CHN2: variants seen among roughly 807,000 people sequenced by gnomAD.
The protein encoded by CHN2 is chimerin 2, also known as beta-chimaerin.
Under a neutral mutation model 56.3 loss-of-function variants are expected in CHN2, and 35 were observed. That is an observed-to-expected ratio of 0.62 (90% CI 0.47 to 0.82). The LOEUF (loss-of-function observed/expected upper bound fraction) is 0.82. Ranked by LOEUF, CHN2 falls within the 40% of genes least tolerant of loss-of-function variation. The probability of loss-of-function intolerance (pLI) is 0.00; values close to 1 mark genes in which losing one functional copy is unlikely to be tolerated. For missense variants in CHN2, 491 were observed against 580.5 expected (o/e 0.85, Z 1.58); for synonymous variants, 210 against 212.8 (o/e 0.99, Z 0.12).
intron 2 of CHN2, among the ~76,000 whole-genome samples, chr7:29,184,803 G>A (rs1462258743): frequency 6.6e-6 from 1 of 152,158 alleles, no homozygotes; most frequent in African/African-American, 2.4e-5. Context: ...TCAAGTTGAC[G>A]CATAAAATTA....
In CHN2 at chr7:29,345,437, A is replaced by C. The variant is rs530869616; in HGVS notation, c.50-9188A>C. On this transcript the variant is annotated intron_variant, in intron 1 of 12. Transcript: ENST00000222792. Reference sequence around the variant, plus strand: ...TGGTGGGTCCAGGAAGATGTCTCTGAGGAGCCAGAGCATTTACGCTGAGAT... The same window carrying C: ...TGGTGGGTCCAGGAAGATGTCTCTGCGGAGCCAGAGCATTTACGCTGAGAT... 1.1e-4 allele frequency among the ~76,000 whole-genome samples: 16 copies of C among 152,292 alleles called. No homozygotes were observed. In the South Asian group the frequency reaches 3.3e-3, roughly 32 times the overall value.
At chr7:29,502,752 TA>T (rs139696468) in intron 9 of CHN2, among the ~76,000 whole-genome samples, 14,437 of 151,044 alleles carry the variant, frequency 0.096, 1,975 homozygotes, top group African/African-American at 0.31. Flanking sequence ...TTTTTTTTTT[TA>T]AAAGTGACGG....
At position 29,254,034 on chromosome 7, in the gene CHN2, A is replaced by G. The variant is rs536322360; in HGVS notation, c.49+59044A>G. Among the ~76,000 whole-genome samples, 169 of 152,218 alleles carry G rather than the reference A, an allele frequency of 1.1e-3. 1 individual carries two copies. The highest frequency in any genetic ancestry group is 0.011 in the South Asian group (52 of 4,826). ...ATTCTCCTGCCTCAGCCTCCTGAGT[A>G]GTTGAGATTACAGGCCTGCGCCACT... On this transcript the variant is annotated intron_variant, in intron 1 of 12. Transcript: ENST00000222792.
intron 1 of CHN2, among the ~76,000 whole-genome samples, chr7:29,252,594 T>TTGTTTTG (rs1562866606): frequency 1.0e-4 from 5 of 48,070 alleles, no homozygotes; most frequent in Middle Eastern, 8.5e-3. Context: ...TTTTTTTTTT[T>TTGTTTTG]TTTTTTTTTT....
intron 2 of CHN2, among the ~76,000 whole-genome samples, chr7:29,148,816 A>C (rs893290783): frequency 1.3e-5 from 2 of 152,206 alleles, no homozygotes; most frequent in African/African-American, 4.8e-5. Context: ...TGATCCCATC[A>C]TACAATATAA....
At chr7:29,445,889 A>G (rs1362731908) in intron 6 of CHN2, among the ~76,000 whole-genome samples, 3 of 152,116 alleles carry the variant, frequency 2.0e-5, no homozygotes, top group East Asian at 3.9e-4. Context: ...TAGGTCTCCA[A>G]TTACGGAATT....
chr7:29,251,585 G>A (rs952835086), intron 1 of CHN2, among the ~76,000 whole-genome samples: 28 of 152,204 alleles, frequency 1.8e-4, no homozygotes, highest in African/African-American at 5.3e-4. Context: ...GAATAAATGC[G>A]AGGCAGTGTT....
rs1208557988 is a variant in CHN2, at chr7:29,512,654, C to T, written c.1326C>T (p.Ser442=). 1.2e-6 allele frequency: 2 copies of T among 1,614,052 alleles called. No individual in the cohort carries two copies. Among genetic ancestry groups the T allele is most frequent in the Non-Finnish European group, 1.7e-6 (2 of 1,180,012 alleles). Residue 442 remains serine (S), a synonymous_variant, in exon 13 of 13, where the codon AGC becomes AGT. Transcript: ENST00000222792. Reference sequence around the variant, plus strand: ...CTCTGATGAGGCCCCCTGAGGACAGCACCCTGACCACCCTGCATGATATGC... The same window carrying T: ...CTCTGATGAGGCCCCCTGAGGACAGTACCCTGACCACCCTGCATGATATGC... ...GPTLMRPPED[S]TLTTLHDMRY...
chr7:29,187,522 G>C (rs35555978), intron 2 of CHN2, among the ~76,000 whole-genome samples: 16,286 of 152,052 alleles, frequency 0.11, 991 homozygotes, highest in African/African-American at 0.14. Flanking sequence ...TCAGGAGTTT[G>C]AGACCAGCCT....
At chr7:29,227,057 C>T (rs1280876402) in intron 1 of CHN2, among the ~76,000 whole-genome samples, 1 of 152,196 alleles carries the variant, frequency 6.6e-6, no homozygotes, top group Non-Finnish European at 1.5e-5. Flanking sequence ...GGACATGATG[C>T]TGTCATTTTG....
chr7:29,158,289 T>C lies in CHN2; in HGVS notation c.274+11329T>C, dbSNP rs117626229. ...AGTTTATAGCACACACATATTTTCTTAGGACCTCAGTTTCCACCATCCTAT... is the reference window on the plus strand; with the variant it reads ...AGTTTATAGCACACACATATTTTCTCAGGACCTCAGTTTCCACCATCCTAT... On this transcript the variant is annotated intron_variant, in intron 2 of 6. Transcript: ENST00000439384. 1.2e-3 allele frequency among the ~76,000 whole-genome samples: 179 copies of C among 152,336 alleles called. 3 individuals carry two copies. The East Asian group carries it at 0.025, about 21-fold the overall frequency.
At chr7:29,158,899 G>C (rs986021430) in intron 2 of CHN2, among the ~76,000 whole-genome samples, 1 of 152,128 alleles carries the variant, frequency 6.6e-6, no homozygotes, top group East Asian at 1.9e-4. Context: ...CTTTCATTTT[G>C]TTCTGATAGT....
intron 11 of CHN2, among the ~76,000 whole-genome samples, chr7:29,508,812 C>T (rs1790929083): frequency 6.6e-6 from 1 of 152,200 alleles, no homozygotes; most frequent in Non-Finnish European, 1.5e-5. Context: ...GCCATGAGTG[C>T]AGGCTGAGTT....
chr7:29,383,330 G>T (rs1800670098), intron 3 of CHN2, among the ~76,000 whole-genome samples: 1 of 152,120 alleles, frequency 6.6e-6, no homozygotes, highest in Non-Finnish European at 1.5e-5. Context: ...GGGTCTGAAG[G>T]TCTAAGAACC....
intron 3 of CHN2, among the ~76,000 whole-genome samples, chr7:29,383,460 A>G (rs552397805): frequency 1.3e-5 from 2 of 152,276 alleles, no homozygotes; most frequent in South Asian, 4.2e-4. Flanking sequence ...ACAGGATAGT[A>G]CTGACACACA....
At chr7:29,253,414 T>C (rs894152365) in intron 1 of CHN2, among the ~76,000 whole-genome samples, 6 of 152,218 alleles carry the variant, frequency 3.9e-5, no homozygotes, top group Non-Finnish European at 7.3e-5. Flanking sequence ...TGAATTCTTA[T>C]TGGACAGAAC....
intron 1 of CHN2, among the ~76,000 whole-genome samples, chr7:29,285,267 G>A (rs1284523738): frequency 6.6e-6 from 1 of 152,204 alleles, no homozygotes; most frequent in Non-Finnish European, 1.5e-5. Flanking sequence ...AGTCATAGGT[G>A]ATACACAGAG....
intron 6 of CHN2, chr7:29,479,786 A>G (rs1585543909): frequency 8.3e-7 from 1 of 1,209,878 alleles, no homozygotes; most frequent in Non-Finnish European, 1.0e-6. Context: ...AGGAGAAAGC[A>G]GGCTGCCGGC....
At chr7:29,158,856 C>A (rs139643671) in intron 2 of CHN2, among the ~76,000 whole-genome samples, 1 of 152,306 alleles carries the variant, frequency 6.6e-6, no homozygotes, top group African/African-American at 2.4e-5. Context: ...CATTCCAACA[C>A]ATTTCAGCTC....
Sources: allele counts gnomAD v4.1 joint callset (sites outside exome capture counted in the v4.1 genomes callset), GRCh38; gene constraint gnomAD v4.1.1; transcripts MANE v1.5; gene names NCBI Gene and HGNC (gene_info 2026-07-23, HGNC 2026-07-21).